The following DNER variants were observed in gnomAD, a reference collection of about 807,000 sequenced individuals.
DNER encodes the protein delta/notch like EGF repeat containing, also known as delta and Notch-like epidermal growth factor-related receptor.
Under a neutral mutation model 78.2 loss-of-function variants are expected in DNER, and 33 were observed. That is an observed-to-expected ratio of 0.42 (90% CI 0.32 to 0.56). The LOEUF (loss-of-function observed/expected upper bound fraction) is 0.56. Ranked by LOEUF, DNER falls within the 20% of genes least tolerant of loss-of-function variation. DNER has a pLI of 0.11. For synonymous variants in DNER, 417 were observed against 384.8 expected (o/e 1.08, Z -0.98); for missense variants, 918 against 975.3 (o/e 0.94, Z 0.78).
chr2:229,655,094 C>T (rs1231148128), intron 1 of DNER, among the ~76,000 whole-genome samples: 1 of 151,896 alleles, frequency 6.6e-6, no homozygotes, highest in Non-Finnish European at 1.5e-5. Context: ...ATTCCCAAAT[C>T]CCAGTACATT....
intron 6 of DNER, among the ~76,000 whole-genome samples, chr2:229,481,411 C>T (rs1695155769): frequency 6.6e-6 from 1 of 152,192 alleles, no homozygotes; most frequent in African/African-American, 2.4e-5. Flanking sequence ...CCAGGAGCAT[C>T]CTGTGGCTGG....
At chr2:229,638,170 A>T (rs147257078) in intron 1 of DNER, among the ~76,000 whole-genome samples, 16 of 152,340 alleles carry the variant, frequency 1.1e-4, no homozygotes, top group Non-Finnish European at 1.9e-4. Context: ...CCTAGTCACA[A>T]TCCTAGCAGG....
chr2:229,424,861 C>A (rs867550417), intron 8 of DNER, among the ~76,000 whole-genome samples: 1 of 151,878 alleles, frequency 6.6e-6, no homozygotes, highest in South Asian at 2.1e-4. Context: ...AATGTTGAGT[C>A]GCATCCCTGA....
rs764664449 is a variant in DNER at position 229,358,624 on chromosome 2, C to T, written c.2130G>A (p.Met710Ile). The change falls in exon 13 of 13, where the codon ATG becomes ATA. Residue 710 changes from methionine (M) to isoleucine (I), a missense_variant. Coordinates refer to ENST00000341772, the MANE Select transcript of DNER (RefSeq NM_139072.4). ...CATAGGCGATGGGGCTCACATCATA[C>T]ATTGCAGGCCGGGATTTCTTTCCAA... ...ARFGKKSRPAMYDVSPIAYED... is the reference protein window; with the variant it reads ...ARFGKKSRPAIYDVSPIAYED... The T allele has an allele frequency of 4.3e-6, 7 of 1,613,864 alleles. No homozygotes were observed. The South Asian group carries it at 6.6e-5, about 15-fold the overall frequency.
intron 12 of DNER, among the ~76,000 whole-genome samples, chr2:229,359,584 A>G (rs7607057): frequency 0.71 from 107,785 of 151,934 alleles, 38,746 homozygotes; most frequent in East Asian, 0.91. Context: ...CTTTAAAAAG[A>G]CATTTTAAAA....
At chr2:229,432,430 A>T (rs1382213025) in intron 8 of DNER, among the ~76,000 whole-genome samples, 2 of 152,364 alleles carry the variant, frequency 1.3e-5, no homozygotes, top group African/African-American at 4.8e-5. Context: ...TGAAGAGAAA[A>T]TAAAACCTAG....
chr2:229,704,075 T>C (rs921283577), intron 1 of DNER, among the ~76,000 whole-genome samples: 1 of 152,220 alleles, frequency 6.6e-6, no homozygotes, highest in Admixed American at 6.5e-5. Flanking sequence ...AGAAGAGGCA[T>C]GGATAGCAAA....
chr2:229,619,932 C>A (rs1328387295), intron 1 of DNER, among the ~76,000 whole-genome samples: 1 of 152,180 alleles, frequency 6.6e-6, no homozygotes, highest in African/African-American at 2.4e-5. Flanking sequence ...CACTACTATT[C>A]CATCCTCACC....
intron 1 of DNER, among the ~76,000 whole-genome samples, chr2:229,699,660 C>T (rs1699712583): frequency 1.3e-5 from 2 of 152,296 alleles, no homozygotes; most frequent in Admixed American, 6.5e-5. Context: ...GTCACCACGT[C>T]CAGCTTTAAT....
At chr2:229,485,356 C>A (rs1695248631) in intron 6 of DNER, among the ~76,000 whole-genome samples, 2 of 152,162 alleles carry the variant, frequency 1.3e-5, no homozygotes, top group Admixed American at 6.5e-5. Flanking sequence ...CAGAAAGTGA[C>A]CAGACACTTG....
chr2:229,694,581 A>T (rs1304238868), intron 1 of DNER, among the ~76,000 whole-genome samples: 2 of 152,262 alleles, frequency 1.3e-5, no homozygotes, highest in African/African-American at 4.8e-5. Context: ...TGAGACCTGG[A>T]GTCAAAGGAG....
Position 229,357,760 on chromosome 2 carries a change from C to G in DNER, c.*780G>C, listed in dbSNP as rs371521063. The G allele has an allele frequency of 6.6e-6, 1 of 152,188 alleles. No individual in the cohort carries two copies. 9.4% of individuals were successfully genotyped at this position (152,188 alleles called of 1,614,324 possible). ...GCTGCACTATGAGAAATACTCACTA[C>G]TGAAGGAACCAGTACTCTCTTACAT... On this transcript the variant is annotated 3_prime_UTR_variant, in exon 13 of 13. Transcript: ENST00000341772.
chr2:229,388,562 G>T (rs1484388301), intron 10 of DNER, among the ~76,000 whole-genome samples, 166 bp from the exon 11 acceptor site: 1 of 131,312 alleles, frequency 7.6e-6, no homozygotes, highest in Non-Finnish European at 1.6e-5. Context: ...CCAGACGAGG[G>T]ATCTTTTACT....
chr2:229,455,617 G>A (rs1201411291), intron 7 of DNER, among the ~76,000 whole-genome samples: 3 of 152,062 alleles, frequency 2.0e-5, no homozygotes, highest in Non-Finnish European at 2.9e-5. Flanking sequence ...CAGTTACTGG[G>A]CCATGCAGTG....
At chr2:229,439,750 T>G (rs913210568) in intron 8 of DNER, among the ~76,000 whole-genome samples, 2 of 152,234 alleles carry the variant, frequency 1.3e-5, no homozygotes, top group Non-Finnish European at 2.9e-5. Context: ...GAGAATGTTC[T>G]GATACTGTGC....
intron 11 of DNER, among the ~76,000 whole-genome samples, chr2:229,379,709 T>C (rs956029880): frequency 1.2e-4 from 19 of 152,172 alleles, no homozygotes; most frequent in Non-Finnish European, 1.8e-4. Context: ...TCCCATTTTC[T>C]GGAAAAGTAA....
intron 1 of DNER, among the ~76,000 whole-genome samples, chr2:229,704,464 G>C (rs1260695063): frequency 6.6e-6 from 1 of 152,208 alleles, no homozygotes; most frequent in East Asian, 1.9e-4. Context: ...AATGTCATCA[G>C]TTAGTGAAAG....
intron 7 of DNER, among the ~76,000 whole-genome samples, chr2:229,464,899 C>T (rs182361994): frequency 2.0e-5 from 3 of 152,196 alleles, no homozygotes; most frequent in African/African-American, 4.8e-5. Context: ...GAATGGCTTC[C>T]GCCTGGAGGA....
At chr2:229,412,167 C>T (rs6760330) in intron 9 of DNER, among the ~76,000 whole-genome samples, 11,531 of 152,212 alleles carry the variant, frequency 0.076, 1,425 homozygotes, top group African/African-American at 0.26. Context: ...AAGTCTTAGA[C>T]GTTCCGTCAC....
Sources: allele counts gnomAD v4.1 joint callset (sites outside exome capture counted in the v4.1 genomes callset), GRCh38; gene constraint gnomAD v4.1.1; transcripts MANE v1.5; gene names NCBI Gene and HGNC (gene_info 2026-07-23, HGNC 2026-07-21).